The following IL36B variants were observed in gnomAD, a reference collection of about 807,000 sequenced individuals.
The protein encoded by IL36B is interleukin-36 beta.
Under a neutral mutation model 19.3 loss-of-function variants are expected in IL36B, and 23 were observed. The observed-to-expected ratio is 1.19, with a 90% CI of 0.86 to 1.69. The LOEUF (loss-of-function observed/expected upper bound fraction) is 1.69. Among genes scored for constraint, IL36B ranks in the 40% most tolerant of loss-of-function variants. The pLI is 0.00. For missense variants in IL36B, 217 were observed against 200.5 expected, an observed-to-expected ratio of 1.08 and a Z score of -0.50; for synonymous variants, 59 against 59.7, an observed-to-expected ratio of 0.99 and a Z score of 0.05.
intron 1 of IL36B, among the ~76,000 whole-genome samples, chr2:113,052,247 GC>G (rs1685461835): frequency 6.6e-6 from 1 of 152,038 alleles, no homozygotes. Context: ...ACTGCACCTG[GC>G]TGGTTTCTAT....
At chr2:113,034,486 C>CTATT (rs58701438) in intron 1 of IL36B, among the ~76,000 whole-genome samples, 74,865 of 151,366 alleles carry the variant, frequency 0.49, 18,850 homozygotes, top group East Asian at 0.69. Context: ...ATTTATCCAT[C>CTATT]TATTTATTTA....
At chr2:113,029,121 T>C (rs1685021827) in intron 3 of IL36B, 43 bp from the exon 4 acceptor site, 2 of 1,592,874 alleles carry the variant, frequency 1.3e-6, no homozygotes, top group South Asian at 2.3e-5. Context: ...TCAGTCTTTC[T>C]GGTCTGACAC....
chr2:113,052,092 G>C (rs1005005663), intron 1 of IL36B, among the ~76,000 whole-genome samples: 2 of 152,060 alleles, frequency 1.3e-5, no homozygotes, highest in African/African-American at 4.8e-5. Context: ...TGGGATTACA[G>C]GTGTGCACCA....
intron 1 of IL36B, among the ~76,000 whole-genome samples, chr2:113,049,911 C>T (rs375210240): frequency 7.3e-5 from 11 of 151,494 alleles, no homozygotes; most frequent in African/African-American, 2.2e-4. Context: ...GCTGAGATCA[C>T]GCCACTTCAC....
chr2:113,029,279 A>C (rs1200530160), intron 3 of IL36B, among the ~76,000 whole-genome samples: 1 of 152,162 alleles, frequency 6.6e-6, no homozygotes, highest in Non-Finnish European at 1.5e-5. Context: ...TGCTTCCCAA[A>C]AAGAAGTAAA....
chr2:113,048,326 C>T (rs150060698), intron 1 of IL36B, among the ~76,000 whole-genome samples: 16 of 152,266 alleles, frequency 1.1e-4, no homozygotes, highest in African/African-American at 3.9e-4. Context: ...CCTGTAATCC[C>T]AGCTACTCAG....
At chr2:113,023,159 C>G (rs955644149) in intron 5 of IL36B, among the ~76,000 whole-genome samples, 3 of 152,206 alleles carry the variant, frequency 2.0e-5, no homozygotes, top group Non-Finnish European at 4.4e-5. Context: ...GGGACTGTTA[C>G]CTACCAACCT....
intron 1 of IL36B, among the ~76,000 whole-genome samples, chr2:113,052,139 G>T (rs184603762): frequency 4.5e-4 from 69 of 152,000 alleles, no homozygotes; most frequent in African/African-American, 1.7e-3. Context: ...TAGTAGAGAC[G>T]GGGTTTCTTC....
At position 113,026,358 on chromosome 2, in the gene IL36B, A is replaced by C. The variant is rs74837372; in HGVS notation, c.262-126T>G. On this transcript the variant is annotated intron_variant, in intron 4 of 5. Coordinates refer to ENST00000259213, the MANE Select transcript of IL36B (RefSeq NM_014438.5). ...TACAGCATGTAAGGTGGGGTTCAGG[A>C]GTATCCCAAAGAGAATGCGGGGCAC... 11,532 of 1,433,588 alleles carry C rather than the reference A, an allele frequency of 8.0e-3. 54 individuals are homozygous for C. Among genetic ancestry groups the C allele is most frequent in the Middle Eastern group, 0.01 (46 of 4,424 alleles). 88.8% of individuals were successfully genotyped at this position (1,433,588 alleles called of 1,614,324 possible).
In IL36B at chr2:113,049,194, A is replaced by T. The variant is rs553202692; in HGVS notation, c.-58+3623T>A. 5.3e-5 allele frequency among the ~76,000 whole-genome samples: 8 copies of T among 152,340 alleles called. No homozygotes were observed. In the East Asian group the frequency reaches 1.5e-3, roughly 29 times the overall value. ...TGAAAGTTAAAGCCCTTAGAAGAAAACATAGGGGAAAGCTTTATCACATTG... is the reference window on the plus strand; with the variant it reads ...TGAAAGTTAAAGCCCTTAGAAGAAATCATAGGGGAAAGCTTTATCACATTG... On this transcript the variant is annotated intron_variant, in intron 1 of 5. Coordinates refer to ENST00000259213, the MANE Select transcript of IL36B (RefSeq NM_014438.5).
intron 1 of IL36B, among the ~76,000 whole-genome samples, chr2:113,042,104 G>C (rs1530554): frequency 0.75 from 114,712 of 152,070 alleles, 43,716 homozygotes; most frequent in East Asian, 0.94. Context: ...CCAGCCATGG[G>C]TTTCAGCACC....
chr2:113,027,845 T>C, intron 4 of IL36B: 1 of 1,598,012 alleles, frequency 6.3e-7, no homozygotes, highest in Non-Finnish European at 8.5e-7. Context: ...TCTGTTAAGA[T>C]GACTCTGACA....
intron 2 of IL36B, 51 bp from the exon 3 acceptor site, chr2:113,031,206 G>A (rs1685068955): frequency 8.2e-7 from 1 of 1,217,326 alleles, no homozygotes; most frequent in African/African-American, 1.5e-5. Flanking sequence ...TCAACTTCAG[G>A]ACTCCAGTTG....
chr2:113,046,498 G>A (rs771987311), intron 1 of IL36B, among the ~76,000 whole-genome samples: 7 of 152,184 alleles, frequency 4.6e-5, no homozygotes, highest in East Asian at 3.9e-4. Context: ...GTGAGCCACC[G>A]CGCCTGCCCT....
intron 2 of IL36B, 30 bp from the exon 3 acceptor site, chr2:113,031,185 A>C (rs749878701): frequency 3.5e-5 from 51 of 1,475,242 alleles, no homozygotes; most frequent in Non-Finnish European, 4.6e-5. Context: ...CACAAAATAC[A>C]CGTGAGGTTA....
intron 1 of IL36B, among the ~76,000 whole-genome samples, chr2:113,050,291 T>C (rs958868552): frequency 5.3e-5 from 8 of 151,834 alleles, no homozygotes; most frequent in African/African-American, 1.9e-4. Context: ...TGATACATGC[T>C]ACAACATGGA....
At chr2:113,034,270 C>G (rs1161162478) in intron 1 of IL36B, among the ~76,000 whole-genome samples, 1 of 152,090 alleles carries the variant, frequency 6.6e-6, no homozygotes, top group African/African-American at 2.4e-5. Context: ...GGGAGTTTTT[C>G]CTGTTCCTCT....
chr2:113,036,353 GC>G (rs1333831442), intron 1 of IL36B, among the ~76,000 whole-genome samples: 7 of 143,082 alleles, frequency 4.9e-5, no homozygotes, highest in African/African-American at 1.5e-4. Flanking sequence ...AAAACACCTT[GC>G]TTTTTTTTTT....
rs575125202 is a variant in IL36B at position 113,023,607 on chromosome 2, C to T, written c.392-830G>A. On this transcript the variant is annotated intron_variant, in intron 5 of 5. Coordinates refer to ENST00000259213, the MANE Select transcript of IL36B (RefSeq NM_014438.5). The stretch of plus-strand genomic sequence containing the variant: ...CTGCACAGTCTTTGCTAGTCTCTGT[C>T]TCATTTTTAATTGCATCCTTAGTTA... Among the ~76,000 whole-genome samples, 10 of 152,300 alleles carry T rather than the reference C, an allele frequency of 6.6e-5. No homozygotes were observed. The South Asian group carries it at 2.1e-3, about 32-fold the overall frequency.
Sources: allele counts gnomAD v4.1 joint callset (sites outside exome capture counted in the v4.1 genomes callset), GRCh38; gene constraint gnomAD v4.1.1; transcripts MANE v1.5; gene names NCBI Gene and HGNC (gene_info 2026-07-23, HGNC 2026-07-21).